The following MTA3 variants were observed in gnomAD, a reference collection of about 807,000 sequenced individuals.
The protein encoded by MTA3 is metastasis associated 1 family member 3.
MTA3 carries 34 observed loss-of-function variants against 83.5 expected under a neutral mutation model. The observed-to-expected ratio is 0.41, with a 90% confidence interval of 0.31 to 0.54. The LOEUF (loss-of-function observed/expected upper bound fraction) is 0.54, where lower values mean the gene tolerates loss of function less well. Among genes scored for constraint, MTA3 ranks in the 20% least tolerant of loss-of-function variants. The pLI is 0.33. For synonymous variants in MTA3, 303 were observed against 252.7 expected, an observed-to-expected ratio of 1.20 and a Z score of -1.89; for missense variants, 761 against 726.4, an observed-to-expected ratio of 1.05 and a Z score of -0.55.
At chr2:42,593,176 T>G (rs1573117805) in intron 3 of MTA3, among the ~76,000 whole-genome samples, 1 of 63,304 alleles carries the variant, frequency 1.6e-5, no homozygotes, top group Non-Finnish European at 3.0e-5. Context: ...TAAATAGAAT[T>G]AAAACAACAA....
At chr2:42,714,103 T>C (rs1385674159) in intron 14 of MTA3, among the ~76,000 whole-genome samples, 5 of 152,232 alleles carry the variant, frequency 3.3e-5, no homozygotes, top group Non-Finnish European at 5.9e-5. Context: ...CCGTGACTAA[T>C]TGACAGATGA....
intron 4 of MTA3, among the ~76,000 whole-genome samples, chr2:42,611,865 G>A (rs1395673227): frequency 6.6e-6 from 1 of 152,126 alleles, no homozygotes; most frequent in Non-Finnish European, 1.5e-5. Flanking sequence ...AGAGAGATAT[G>A]GAGCTGGCTG....
At chr2:42,622,195 G>A (rs960692174) in intron 4 of MTA3, among the ~76,000 whole-genome samples, 10 of 152,174 alleles carry the variant, frequency 6.6e-5, no homozygotes, top group African/African-American at 2.4e-4. Context: ...TCGCGGTTAG[G>A]AGCTGGAGAC....
chr2:42,570,571 A>G (rs1249278288), intron 2 of MTA3, 67 bp downstream of exon 2: 16 of 987,736 alleles, frequency 1.6e-5, no homozygotes, highest in Non-Finnish European at 2.2e-5. Context: ...GTAATTGGGT[A>G]AAGGGTGGCC....
chr2:42,629,361 G>A (rs571966251), intron 4 of MTA3, among the ~76,000 whole-genome samples: 2 of 152,242 alleles, frequency 1.3e-5, no homozygotes, highest in African/African-American at 4.8e-5. Context: ...TTACAGGCGT[G>A]ATCCACCGTG....
intron 2 of MTA3, among the ~76,000 whole-genome samples, chr2:42,518,370 TCAAA>T (rs760019720): frequency 2.6e-5 from 4 of 152,114 alleles, no homozygotes; most frequent in African/African-American, 4.8e-5. Flanking sequence ...AAGGAAATGC[TCAAA>T]CAGACAAACA....
In MTA3 at chr2:42,661,871, A is replaced by G. The variant is rs935085072; in HGVS notation, c.702+2009A>G. 3.9e-5 allele frequency among the ~76,000 whole-genome samples: 6 copies of G among 152,272 alleles called. No homozygotes were observed. In the East Asian group the frequency reaches 7.7e-4, roughly 20 times the overall value. ...AGGTTAAAAAACTTTTTTTTCAACC[A>G]TTATAGTTAATGTTGAAGTCTCTAA... On this transcript the variant is annotated intron_variant, in intron 8 of 16. Transcript: ENST00000405094.
At chr2:42,582,724 T>C (rs1489694359) in intron 3 of MTA3, among the ~76,000 whole-genome samples, 1 of 152,224 alleles carries the variant, frequency 6.6e-6, no homozygotes, top group Non-Finnish European at 1.5e-5. Flanking sequence ...AGTCTCAGCA[T>C]GACAGCATCT....
chr2:42,610,700 G>T (rs780367656), intron 4 of MTA3, among the ~76,000 whole-genome samples: 6 of 151,984 alleles, frequency 3.9e-5, no homozygotes, highest in Admixed American at 3.9e-4. Context: ...TCTTACCCTC[G>T]GTCAGGAAAG....
chr2:42,705,917 T>C (rs934872023), intron 12 of MTA3, among the ~76,000 whole-genome samples: 9 of 152,204 alleles, frequency 5.9e-5, no homozygotes, highest in Non-Finnish European at 1.0e-4. Flanking sequence ...GAACTTGATG[T>C]TTTCTATTTA....
At chr2:42,522,357 C>T (rs1675469306) in intron 2 of MTA3, among the ~76,000 whole-genome samples, 1 of 152,142 alleles carries the variant, frequency 6.6e-6, no homozygotes, top group Non-Finnish European at 1.5e-5. Flanking sequence ...GGCAGGTGAA[C>T]TGTGGCTCTT....
chr2:42,503,994 G>A (rs962562025), intron 2 of MTA3, among the ~76,000 whole-genome samples: 2 of 143,938 alleles, frequency 1.4e-5, no homozygotes, highest in Admixed American at 1.5e-4. Context: ...CATGATCTCG[G>A]CTCACTGCAA....
chr2:42,581,339 AC>A (rs751578550), intron 3 of MTA3, among the ~76,000 whole-genome samples: 33 of 144,130 alleles, frequency 2.3e-4, no homozygotes, highest in Admixed American at 3.5e-4. Flanking sequence ...GGTGTGAGTC[AC>A]CATGCCTGGT....
chr2:42,539,278 A>C (rs1572947808), intron 2 of MTA3, among the ~76,000 whole-genome samples: 1 of 152,186 alleles, frequency 6.6e-6, no homozygotes, highest in East Asian at 1.9e-4. Context: ...ATTGACTTAC[A>C]GTTCCGCAGG....
chr2:42,714,524 A>G (rs376371573), intron 14 of MTA3, among the ~76,000 whole-genome samples: 4 of 152,134 alleles, frequency 2.6e-5, no homozygotes, highest in South Asian at 4.1e-4. Context: ...TTCTGTGTGT[A>G]TATTGCAGGG....
intron 2 of MTA3, among the ~76,000 whole-genome samples, chr2:42,551,239 G>A (rs1677097082): frequency 1.3e-5 from 2 of 151,892 alleles, no homozygotes; most frequent in African/African-American, 4.8e-5. Context: ...CGCCCAGGCT[G>A]TAGTGCACTG....
chr2:42,736,225 A>T (rs527624537), intron 16 of MTA3, among the ~76,000 whole-genome samples: 2 of 152,244 alleles, frequency 1.3e-5, no homozygotes, highest in East Asian at 3.9e-4. Flanking sequence ...ATCTGGGAGA[A>T]TTCCCTGGAT....
rs577490020 is a variant in MTA3 at position 42,496,253 on chromosome 2, A to G, written c.-141+999A>G. On this transcript the variant is annotated intron_variant, in intron 2 of 17. Transcript: ENST00000405592. ...GGTATATTTTCATGCGATTTCTTAG[A>G]GAGATAGGCTTAAATCATTTCATTT... 4.6e-5 allele frequency among the ~76,000 whole-genome samples: 7 copies of G among 152,342 alleles called. No individual in the cohort carries two copies. In the South Asian group the frequency reaches 1.4e-3, roughly 32 times the overall value.
chr2:42,609,836 C>T lies in MTA3; in HGVS notation c.317+252C>T, dbSNP rs138137125. On this transcript the variant is annotated intron_variant, in intron 4 of 16. Coordinates refer to ENST00000405094, the MANE Select transcript of MTA3 (RefSeq NM_001330442.2). ...TTTCCTGGCCAGGCGCAGTGGCTCA[C>T]GCCTGTAATTCCAGCACTTTGGGAG... Among the ~76,000 whole-genome samples the T allele has an allele frequency of 1.2e-3, 181 of 152,274 alleles. 1 individual carries two copies. In the East Asian group the frequency reaches 0.028, roughly 23 times the overall value.
Sources: allele counts gnomAD v4.1 joint callset (sites outside exome capture counted in the v4.1 genomes callset), GRCh38; gene constraint gnomAD v4.1.1; transcripts MANE v1.5; gene names NCBI Gene and HGNC (gene_info 2026-07-23, HGNC 2026-07-21).